The following THRB variants were observed in gnomAD, a reference collection of about 807,000 sequenced individuals.
The protein encoded by THRB is thyroid hormone receptor beta.
A neutral mutation model predicts 47.8 loss-of-function variants in THRB; 12 were observed. That is an observed-to-expected ratio of 0.25 (90% CI 0.16 to 0.41). THRB has a LOEUF of 0.41. Among genes scored for constraint, THRB ranks in the 10% least tolerant of loss-of-function variants. The probability of loss-of-function intolerance (pLI) is 1.00; values close to 1 mark genes in which losing one functional copy is unlikely to be tolerated. For missense variants in THRB, 348 were observed against 589.2 expected (o/e 0.59, Z 4.24); for synonymous variants, 218 against 212.2 (o/e 1.03, Z -0.24).
chr3:24,220,536 G>C (rs2047044876), intron 4 of THRB, among the ~76,000 whole-genome samples: 2 of 152,118 alleles, frequency 1.3e-5, no homozygotes, highest in Admixed American at 6.5e-5. Flanking sequence ...CCAAGTTTGA[G>C]CAGGACAAAC....
intron 4 of THRB, among the ~76,000 whole-genome samples, chr3:24,215,147 A>G (rs1489325482): frequency 2.0e-5 from 3 of 152,206 alleles, no homozygotes; most frequent in Non-Finnish European, 2.9e-5. Flanking sequence ...TTCTCATGAC[A>G]ATAACTGTAT....
chr3:24,192,253 C>T lies in THRB; in HGVS notation c.23-1919G>A, dbSNP rs372116330. Among the ~76,000 whole-genome samples the T allele has an allele frequency of 2.2e-4, 34 of 152,230 alleles. 1 individual carries two copies. Among genetic ancestry groups the T allele is most frequent in the African/African-American group, 7.7e-4 (32 of 41,546 alleles). On this transcript the variant is annotated intron_variant, in intron 4 of 10. Coordinates refer to ENST00000646209, the MANE Select transcript of THRB (RefSeq NM_001354712.2). ...GTGTAACTCATTCAAGTACCTTTAT[C>T]CATAAGGGCTTGAGGTTTTTCATGA...
At chr3:24,178,785 A>G (rs2041510211) in intron 5 of THRB, among the ~76,000 whole-genome samples, 1 of 152,158 alleles carries the variant, frequency 6.6e-6, no homozygotes, top group South Asian at 2.1e-4. Context: ...GGGTAGGTAG[A>G]ACAGATAGAT....
In THRB at chr3:24,260,256, T is replaced by A. The variant is rs118188435; in HGVS notation, c.-42-31255A>T. On this transcript the variant is annotated intron_variant, in intron 3 of 10. Transcript: ENST00000646209. ...GGCACTCGGTGAGTCACACTTTATCTCTAGCTGACCAGTTTGTGTCTTACT... is the reference window on the plus strand; with the variant it reads ...GGCACTCGGTGAGTCACACTTTATCACTAGCTGACCAGTTTGTGTCTTACT... 1.1e-3 allele frequency among the ~76,000 whole-genome samples: 174 copies of A among 152,296 alleles called. 1 individual carries two copies. In the East Asian group the frequency reaches 0.028, roughly 24 times the overall value.
chr3:24,138,843 G>C (rs151265942), intron 8 of THRB, among the ~76,000 whole-genome samples: 2 of 152,168 alleles, frequency 1.3e-5, no homozygotes, highest in Non-Finnish European at 2.9e-5. Flanking sequence ...AGTAGGAAAG[G>C]TCTCCTCTGA....
At chr3:24,147,597 A>G (rs1339127005) in intron 6 of THRB, among the ~76,000 whole-genome samples, 1 of 152,188 alleles carries the variant, frequency 6.6e-6, no homozygotes, top group Non-Finnish European at 1.5e-5. Flanking sequence ...GTTTAGTTCT[A>G]GGTTTGGGTG....
intron 1 of THRB, among the ~76,000 whole-genome samples, chr3:24,467,450 A>G (rs578139136): frequency 6.6e-6 from 1 of 152,334 alleles, no homozygotes; most frequent in East Asian, 1.9e-4. Context: ...TACTTTACAC[A>G]GATCAATCAG....
intron 1 of THRB, among the ~76,000 whole-genome samples, chr3:24,382,980 T>C (rs978393744): frequency 6.6e-6 from 1 of 152,118 alleles, no homozygotes; most frequent in Non-Finnish European, 1.5e-5. Flanking sequence ...CTTGCCTCTA[T>C]CCGGAACATT....
chr3:24,401,530 G>T (rs2067398243), intron 1 of THRB, among the ~76,000 whole-genome samples: 1 of 151,890 alleles, frequency 6.6e-6, no homozygotes, highest in Non-Finnish European at 1.5e-5. Context: ...GCTTTCTAAG[G>T]ATTACCACTA....
chr3:24,379,241 T>C (rs1427861984), intron 1 of THRB, among the ~76,000 whole-genome samples: 2 of 152,158 alleles, frequency 1.3e-5, no homozygotes, highest in African/African-American at 4.8e-5. Flanking sequence ...ATGTTATAAC[T>C]ATATATAGTA....
intron 3 of THRB, among the ~76,000 whole-genome samples, chr3:24,272,558 T>C (rs1193046372): frequency 6.6e-6 from 1 of 152,200 alleles, no homozygotes; most frequent in Non-Finnish European, 1.5e-5. Flanking sequence ...AGGATACTGA[T>C]ACTACCTTAC....
intron 1 of THRB, among the ~76,000 whole-genome samples, chr3:24,441,550 A>C (rs2071525113): frequency 6.6e-6 from 1 of 152,246 alleles, no homozygotes; most frequent in Non-Finnish European, 1.5e-5. Context: ...ATAGTGGTTA[A>C]GAAAGTATTC....
At chr3:24,279,242 T>G (rs1008155674) in intron 3 of THRB, among the ~76,000 whole-genome samples, 1 of 152,186 alleles carries the variant, frequency 6.6e-6, no homozygotes, top group Non-Finnish European at 1.5e-5. Context: ...AACTTGAACA[T>G]GTTCGCTTGC....
chr3:24,353,255 T>C (rs1409971465), intron 1 of THRB, among the ~76,000 whole-genome samples: 1 of 151,874 alleles, frequency 6.6e-6, no homozygotes, highest in Non-Finnish European at 1.5e-5. Context: ...AGTCCATAAG[T>C]AACGCTAAAG....
At chr3:24,135,613 C>A (rs2034523262) in intron 8 of THRB, among the ~76,000 whole-genome samples, 1 of 151,946 alleles carries the variant, frequency 6.6e-6, no homozygotes, top group African/African-American at 2.4e-5. Context: ...CTCTTTCTCA[C>A]CTAGATTGTG....
intron 2 of THRB, among the ~76,000 whole-genome samples, chr3:24,333,203 T>TA (rs35565732): frequency 3.9e-5 from 6 of 151,990 alleles, no homozygotes; most frequent in African/African-American, 9.7e-5. Flanking sequence ...GCATACTGTT[T>TA]AAAAAAAAGT....
At chr3:24,392,890 C>T (rs920389117) in intron 1 of THRB, among the ~76,000 whole-genome samples, 2 of 152,054 alleles carry the variant, frequency 1.3e-5, no homozygotes, top group Non-Finnish European at 2.9e-5. Context: ...GTACTTTATT[C>T]TACTTTTTAT....
At chr3:24,430,874 T>C (rs2125271350) in intron 1 of THRB, 2 of 152,302 alleles carry the variant, frequency 1.3e-5, no homozygotes, top group Middle Eastern at 6.8e-3. Context: ...GTGTGCCCCT[T>C]GAGCACTCAA....
At chr3:24,225,500 AC>A (rs1219009388) in intron 4 of THRB, among the ~76,000 whole-genome samples, 1 of 152,212 alleles carries the variant, frequency 6.6e-6, no homozygotes, top group Non-Finnish European at 1.5e-5. Context: ...AACGTCAAGT[AC>A]TTTGCCAGCT....
Sources: gnomAD v4.1 joint callset for allele counts (sites outside exome capture counted in the v4.1 genomes callset) on GRCh38, gnomAD v4.1.1 for gene constraint, MANE v1.5 for transcripts, NCBI Gene and HGNC (gene_info 2026-07-23, HGNC 2026-07-21) for gene names.